The following BTBD9 variants were observed in gnomAD, a reference collection of about 807,000 sequenced individuals.
The protein encoded by BTBD9 is BTB domain containing 9.
In BTBD9, 49 loss-of-function variants were observed where a neutral mutation model predicts 64.3. That is an observed-to-expected ratio of 0.76 (90% confidence interval 0.61 to 0.97). The LOEUF (loss-of-function observed/expected upper bound fraction) is 0.97. Ranked by LOEUF, BTBD9 falls within the 50% of genes least tolerant of loss-of-function variation. The pLI, the probability that BTBD9 is intolerant of heterozygous loss-of-function variation, is 0.00. For synonymous variants in BTBD9, 260 were observed against 274.7 expected, an observed-to-expected ratio of 0.95 and a Z score of 0.53; for missense variants, 598 against 762.1, an observed-to-expected ratio of 0.78 and a Z score of 2.53.
At chr6:38,247,311 A>G (rs571037298) in intron 9 of BTBD9, among the ~76,000 whole-genome samples, 82 of 152,326 alleles carry the variant, frequency 5.4e-4, no homozygotes, top group African/African-American at 1.9e-3. Flanking sequence ...AGAAGAAGAA[A>G]TATTTTCCTC....
intron 7 of BTBD9, among the ~76,000 whole-genome samples, chr6:38,336,538 C>A (rs1763899631): frequency 6.6e-6 from 1 of 150,550 alleles, no homozygotes; most frequent in African/African-American, 2.4e-5. Context: ...TGTGAGAACT[C>A]ACTCACTATC....
intron 9 of BTBD9, among the ~76,000 whole-genome samples, chr6:38,249,796 A>C (rs2127530598): frequency 6.6e-6 from 1 of 152,274 alleles, no homozygotes. Flanking sequence ...CAAGGAAAAA[A>C]AAAGAGTATA....
intron 7 of BTBD9, among the ~76,000 whole-genome samples, chr6:38,311,807 T>C (rs1180193865): frequency 6.6e-6 from 1 of 152,208 alleles, no homozygotes; most frequent in African/African-American, 2.4e-5. Context: ...CATTGTAGTT[T>C]TGGTGTGCAT....
chr6:38,221,402 C>T (rs543715856), intron 9 of BTBD9, among the ~76,000 whole-genome samples: 3 of 152,104 alleles, frequency 2.0e-5, no homozygotes, highest in Non-Finnish European at 2.9e-5. Context: ...AAGCCTCCCC[C>T]CAGGGAGCCA....
In BTBD9 at chr6:38,483,645, C is replaced by G. The variant is rs372099004; in HGVS notation, c.1154+93955G>C. Among the ~76,000 whole-genome samples, 13 of 152,286 alleles carry G rather than the reference C, an allele frequency of 8.5e-5. No homozygotes were observed. The East Asian group carries it at 1.3e-3, about 16-fold the overall frequency. Reference sequence around the variant, plus strand: ...CTAAACATACCTTCCTCCCAACACCCTACAGACTATCTACCCACCAGATTT... The same window carrying G: ...CTAAACATACCTTCCTCCCAACACCGTACAGACTATCTACCCACCAGATTT... On this transcript the variant is annotated intron_variant, in intron 6 of 10. Coordinates refer to ENST00000481247, the MANE Select transcript of BTBD9 (RefSeq NM_001099272.2).
At chr6:38,305,897 A>G (rs1394717169) in intron 7 of BTBD9, among the ~76,000 whole-genome samples, 3 of 152,230 alleles carry the variant, frequency 2.0e-5, no homozygotes, top group Admixed American at 2.0e-4. Context: ...CTGGTTTACT[A>G]ATATACATAG....
chr6:38,357,257 G>A (rs548248102), intron 6 of BTBD9, among the ~76,000 whole-genome samples: 2 of 152,256 alleles, frequency 1.3e-5, no homozygotes, highest in Admixed American at 6.5e-5. Context: ...GAGGTACCTG[G>A]TGCCTTTAAT....
Position 38,594,336 on chromosome 6 carries a change from C to A in BTBD9, c.186-9G>T, listed in dbSNP as rs373881569. Reference sequence around the variant, plus strand: ...CACCATATAATAATGCTCTGCACATCAGGGAAGAAACACATGAAGAAACCC... The same window carrying A: ...CACCATATAATAATGCTCTGCACATAAGGGAAGAAACACATGAAGAAACCC... On this transcript the variant is annotated splice_polypyrimidine_tract_variant and intron_variant, in intron 2 of 10. Transcript: ENST00000481247. 1.1e-5 allele frequency: 17 copies of A among 1,580,758 alleles called. No individual in the cohort carries two copies. Among genetic ancestry groups the A allele is most frequent in the Non-Finnish European group, 1.4e-5 (16 of 1,161,922 alleles).
At chr6:38,280,957 CAA>C in intron 8 of BTBD9, among the ~76,000 whole-genome samples, 1 of 152,190 alleles carries the variant, frequency 6.6e-6, no homozygotes, top group East Asian at 1.9e-4. Context: ...GAAACTGCTG[CAA>C]AGACTCAAGC....
intron 6 of BTBD9, among the ~76,000 whole-genome samples, chr6:38,552,638 G>C (rs116199125): frequency 1.3e-5 from 2 of 151,810 alleles, no homozygotes; most frequent in African/African-American, 4.8e-5. Flanking sequence ...GTGGTGGCTG[G>C]AGCCTGTCAT....
intron 6 of BTBD9, among the ~76,000 whole-genome samples, chr6:38,528,553 A>G (rs1773624519): frequency 6.6e-6 from 1 of 152,166 alleles, no homozygotes; most frequent in South Asian, 2.1e-4. Flanking sequence ...AGGAGAAGGA[A>G]GAGTATTTTG....
At chr6:38,199,871 T>TGGGGGCAAGAAAAGCCTG (rs1299963487) in intron 9 of BTBD9, among the ~76,000 whole-genome samples, 4 of 152,172 alleles carry the variant, frequency 2.6e-5, no homozygotes, top group African/African-American at 9.7e-5. Context: ...TAAAGGGGAA[T>TGGGGGCAAGAAAAGCCTG]GGGGGCAAGA....
chr6:38,425,340 G>A (rs1337843385), intron 6 of BTBD9, among the ~76,000 whole-genome samples: 5 of 151,616 alleles, frequency 3.3e-5, no homozygotes, highest in South Asian at 2.1e-4. Flanking sequence ...TCCTGACCTC[G>A]TCATCTGCCT....
chr6:38,306,754 T>G (rs1421474764), intron 7 of BTBD9, among the ~76,000 whole-genome samples: 1 of 152,226 alleles, frequency 6.6e-6, no homozygotes, highest in African/African-American at 2.4e-5. Context: ...ACATGTTATT[T>G]AACTGTCTCC....
In BTBD9 at chr6:38,200,235, A is replaced by G; in HGVS notation, c.1563-7638T>C. On this transcript the variant is annotated intron_variant, in intron 9 of 10. Coordinates refer to ENST00000481247, the MANE Select transcript of BTBD9 (RefSeq NM_001099272.2). ...AGGGAAACAAATGAAAATGAAAACA[A>G]AATAGACCAAAACCTGTGGGACACT... Among the ~76,000 whole-genome samples the G allele has an allele frequency of 1.3e-5, 2 of 152,224 alleles. 1 individual carries two copies. The highest frequency in any genetic ancestry group is 2.9e-5 in the Non-Finnish European group (2 of 68,036).
chr6:38,178,415 C>G (rs761899336), intron 10 of BTBD9, among the ~76,000 whole-genome samples: 8 of 152,156 alleles, frequency 5.3e-5, no homozygotes. Context: ...GAGGTACACA[C>G]GTACCACAAG....
At chr6:38,552,548 C>T (rs560008893) in intron 6 of BTBD9, among the ~76,000 whole-genome samples, 57 of 151,944 alleles carry the variant, frequency 3.8e-4, no homozygotes, top group African/African-American at 1.3e-3. Flanking sequence ...GGGAGGATCA[C>T]CTGACGTCAA....
At chr6:38,329,230 T>C (rs555875841) in intron 7 of BTBD9, among the ~76,000 whole-genome samples, 1 of 152,190 alleles carries the variant, frequency 6.6e-6, no homozygotes, top group Non-Finnish European at 1.5e-5. Context: ...TGAACATTTA[T>C]GTAGAAGAAA....
chr6:38,396,447 T>A (rs952218776), intron 6 of BTBD9, among the ~76,000 whole-genome samples: 4 of 152,184 alleles, frequency 2.6e-5, no homozygotes, highest in Non-Finnish European at 5.9e-5. Context: ...TGCCAAGCGG[T>A]TGGAGGAAGT....
Sources: allele counts gnomAD v4.1 joint callset (sites outside exome capture counted in the v4.1 genomes callset), GRCh38; gene constraint gnomAD v4.1.1; transcripts MANE v1.5; gene names NCBI Gene and HGNC (gene_info 2026-07-23, HGNC 2026-07-21).